The following CTNNA2 variants were observed in gnomAD, a reference collection of about 807,000 sequenced individuals.
CTNNA2 encodes the protein catenin alpha-2.
CTNNA2 carries 42 observed loss-of-function variants against 101.0 expected under a neutral mutation model. The ratio of observed to expected loss-of-function variants is 0.42; its 90% CI spans 0.32 to 0.54. The LOEUF is 0.54. CTNNA2 is among the 20% of genes least tolerant of loss of function. The pLI is 0.14. For missense variants in CTNNA2, 871 were observed against 1,223.1 expected, an observed-to-expected ratio of 0.71 and a Z score of 4.29; for synonymous variants, 450 against 456.4, an observed-to-expected ratio of 0.99 and a Z score of 0.18.
rs1240924815 is a variant in CTNNA2 at position 80,154,675 on chromosome 2, AAC to A, written c.1057-238532_1057-238531del. Among the ~76,000 whole-genome samples the A allele has an allele frequency of 3.9e-5, 6 of 152,292 alleles. No individual in the cohort carries two copies. In the East Asian group the frequency reaches 9.7e-4, roughly 25 times the overall value. Reference sequence around the variant, plus strand: ...CTAATCCCCATCCCAGTGGCTTAATAACACAGAGTTATTTCTCACTCCTAATA... The same window carrying A: ...CTAATCCCCATCCCAGTGGCTTAATAACAGAGTTATTTCTCACTCCTAATA... On this transcript the variant is annotated intron_variant, in intron 7 of 18. Transcript: ENST00000402739.
chr2:80,164,137 T>C (rs941623201), intron 7 of CTNNA2, among the ~76,000 whole-genome samples: 11 of 151,872 alleles, frequency 7.2e-5, no homozygotes, highest in African/African-American at 2.7e-4. Context: ...CATATTTAGG[T>C]TATTTGCATT....
chr2:80,596,280 T>G (rs796747654), intron 15 of CTNNA2, among the ~76,000 whole-genome samples: 2 of 18,092 alleles, frequency 1.1e-4, no homozygotes, highest in South Asian at 2.5e-3. Flanking sequence ...GACAAGGTTG[T>G]TTTTTTTTTT....
intron 7 of CTNNA2, among the ~76,000 whole-genome samples, chr2:79,976,802 C>T (rs182837662): frequency 2.0e-5 from 3 of 152,146 alleles, no homozygotes; most frequent in Admixed American, 2.0e-4. Flanking sequence ...GTTCCTTCCC[C>T]ACTTGGGGCA....
At chr2:79,753,807 T>C (rs1347065524) in intron 3 of CTNNA2, among the ~76,000 whole-genome samples, 1 of 152,008 alleles carries the variant, frequency 6.6e-6, no homozygotes, top group Admixed American at 6.6e-5. Context: ...TGACATAACC[T>C]CAAATGTGAA....
At chr2:80,342,997 T>G (rs925175952) in intron 7 of CTNNA2, among the ~76,000 whole-genome samples, 5 of 152,210 alleles carry the variant, frequency 3.3e-5, no homozygotes, top group African/African-American at 1.2e-4. Flanking sequence ...TCTCCCTGTG[T>G]CCCTGTGAAA....
At chr2:80,639,820 C>T (rs1394679335) in intron 18 of CTNNA2, among the ~76,000 whole-genome samples, 4 of 151,774 alleles carry the variant, frequency 2.6e-5, no homozygotes, top group Admixed American at 1.3e-4. Flanking sequence ...AAATATTTGT[C>T]GGCCGGGCGC....
chr2:80,002,478 T>C (rs1693019413), intron 7 of CTNNA2, among the ~76,000 whole-genome samples: 1 of 152,180 alleles, frequency 6.6e-6, no homozygotes, highest in Non-Finnish European at 1.5e-5. Flanking sequence ...CTAGATCAAA[T>C]ATGTACATTA....
intron 7 of CTNNA2, among the ~76,000 whole-genome samples, chr2:80,344,781 T>C (rs1672579454): frequency 6.6e-6 from 1 of 152,178 alleles, no homozygotes; most frequent in South Asian, 2.1e-4. Context: ...CCACAACACA[T>C]GGCCTCCGAA....
In CTNNA2 at chr2:80,207,095, G is replaced by A. The variant is rs1409411103; in HGVS notation, c.1057-186116G>A. Among the ~76,000 whole-genome samples the A allele has an allele frequency of 2.0e-5, 3 of 152,162 alleles. No homozygotes were observed. The East Asian group carries it at 5.8e-4, about 29-fold the overall frequency. The stretch of plus-strand genomic sequence containing the variant: ...TACGTTTCTTCCCCTGATAAATGAA[G>A]GGTTTTTTGATTTTGCACAGGACTA... On this transcript the variant is annotated intron_variant, in intron 7 of 18. Transcript: ENST00000402739.
chr2:79,639,307 C>T (rs1680288022), intron 1 of CTNNA2, among the ~76,000 whole-genome samples: 1 of 152,140 alleles, frequency 6.6e-6, no homozygotes, highest in Non-Finnish European at 1.5e-5. Flanking sequence ...CTAACTGGAG[C>T]TTGCACACAA....
chr2:79,813,409 A>G (rs1677207196), intron 3 of CTNNA2, among the ~76,000 whole-genome samples: 1 of 152,202 alleles, frequency 6.6e-6, no homozygotes, highest in African/African-American at 2.4e-5. Flanking sequence ...AGGTAGATTC[A>G]AGATCCATTT....
chr2:80,564,428 A>G (rs1485447570), intron 12 of CTNNA2, among the ~76,000 whole-genome samples: 1 of 152,102 alleles, frequency 6.6e-6, no homozygotes, highest in African/African-American at 2.4e-5. Flanking sequence ...TTTCCTCAGG[A>G]AAAGGAATTT....
chr2:79,658,079 A>G (rs1398278414), intron 2 of CTNNA2, among the ~76,000 whole-genome samples: 1 of 151,940 alleles, frequency 6.6e-6, no homozygotes, highest in Non-Finnish European at 1.5e-5. Flanking sequence ...AAACAAAGAT[A>G]TTTCTTTATA....
chr2:79,279,373 G>A (rs562497538), intron 2 of CTNNA2, among the ~76,000 whole-genome samples: 3 of 152,142 alleles, frequency 2.0e-5, no homozygotes, highest in East Asian at 3.9e-4. Flanking sequence ...AATGCCTGAG[G>A]ATAATTCTCA....
chr2:79,692,114 G>A (rs10179123), intron 2 of CTNNA2, among the ~76,000 whole-genome samples: 33,057 of 151,840 alleles, frequency 0.22, 3,860 homozygotes, highest in East Asian at 0.44. Flanking sequence ...AAATTTTTGC[G>A]ATCTATCCAT....
intron 2 of CTNNA2, among the ~76,000 whole-genome samples, chr2:79,652,164 G>C (rs1681301558): frequency 6.6e-6 from 1 of 151,610 alleles, no homozygotes; most frequent in Admixed American, 6.6e-5. Context: ...GGATTTTTAA[G>C]TGTTATAAGT....
intron 7 of CTNNA2, among the ~76,000 whole-genome samples, chr2:80,150,431 C>G (rs1050344270): frequency 2.2e-4 from 34 of 152,148 alleles, no homozygotes; most frequent in African/African-American, 8.2e-4. Flanking sequence ...CACATCCTCC[C>G]ACTCAAAAAG....
chr2:79,610,458 G>A (rs1678194760), intron 1 of CTNNA2, among the ~76,000 whole-genome samples: 1 of 152,074 alleles, frequency 6.6e-6, no homozygotes, highest in Non-Finnish European at 1.5e-5. Flanking sequence ...CCAATAAGTG[G>A]AAATAATTCT....
At chr2:80,370,781 A>C (rs1675368906) in intron 7 of CTNNA2, among the ~76,000 whole-genome samples, 1 of 152,188 alleles carries the variant, frequency 6.6e-6, no homozygotes, top group African/African-American at 2.4e-5. Context: ...TTTCTTACTC[A>C]TCACTAGGTT....
Sources: allele counts gnomAD v4.1 joint callset (sites outside exome capture counted in the v4.1 genomes callset), GRCh38; gene constraint gnomAD v4.1.1; transcripts MANE v1.5; gene names NCBI Gene and HGNC (gene_info 2026-07-23, HGNC 2026-07-21).